Variants in KLF12 observed in about 807,000 individuals in gnomAD.
The protein encoded by KLF12 is Krueppel-like factor 12.
KLF12 carries 9 observed loss-of-function variants against 37.8 expected under a neutral mutation model. The observed-to-expected ratio is 0.24, with a 90% confidence interval of 0.14 to 0.42. The LOEUF is 0.42. Ranked by LOEUF, KLF12 falls within the 10% of genes least tolerant of loss-of-function variation. The pLI is 1.00. For synonymous variants in KLF12, 208 were observed against 202.1 expected (o/e 1.03, Z -0.25); for missense variants, 411 against 516.0 (o/e 0.80, Z 1.97).
intron 1 of KLF12, among the ~76,000 whole-genome samples, chr13:73,996,462 A>G (rs904192652): frequency 6.6e-6 from 1 of 152,238 alleles, no homozygotes; most frequent in Admixed American, 6.5e-5. Flanking sequence ...ATCAAGGTAC[A>G]TCAAAACCTG....
chr13:74,112,252 T>A (rs1484219001), intron 1 of KLF12, among the ~76,000 whole-genome samples: 1 of 151,620 alleles, frequency 6.6e-6, no homozygotes, highest in Non-Finnish European at 1.5e-5. Flanking sequence ...AGTGACCTTA[T>A]GTGGCTAGAA....
the KLF12 span, among the ~76,000 whole-genome samples, chr13:74,251,682 G>A: frequency 2.0e-3 from 309 of 152,214 alleles, 1 homozygote; most frequent in African/African-American, 6.8e-3. Flanking sequence ...GCTGACTGGC[G>A]TTCAGAGATA....
At chr13:74,038,660 A>T (rs951993632) in intron 1 of KLF12, among the ~76,000 whole-genome samples, 1 of 152,226 alleles carries the variant, frequency 6.6e-6, no homozygotes, top group Non-Finnish European at 1.5e-5. Flanking sequence ...TAAGGTTCCC[A>T]TCATTAAAAT....
the KLF12 span, among the ~76,000 whole-genome samples, chr13:74,142,375 T>C: frequency 6.6e-6 from 1 of 152,232 alleles, no homozygotes; most frequent in Non-Finnish European, 1.5e-5. Flanking sequence ...CAGCAGCACA[T>C]GAGCTGATGC....
intron 2 of KLF12, among the ~76,000 whole-genome samples, chr13:73,953,004 G>C (rs1593776253): frequency 6.6e-6 from 1 of 152,090 alleles, no homozygotes; most frequent in African/African-American, 2.4e-5. Context: ...AGGAAGTGCT[G>C]GTGGTAAGAA....
chr13:73,800,717 G>T (rs1882239489), intron 5 of KLF12: 1 of 151,914 alleles, frequency 6.6e-6, no homozygotes, highest in Admixed American at 6.6e-5. Flanking sequence ...TAGAGTTAAA[G>T]CATTAAAATA....
the KLF12 span, among the ~76,000 whole-genome samples, chr13:74,235,872 C>CA: frequency 6.6e-6 from 1 of 151,538 alleles, no homozygotes; most frequent in East Asian, 1.9e-4. Flanking sequence ...GATATACACA[C>CA]ATTTACTTTC....
At chr13:74,013,264 AC>A (rs1892595819) in intron 1 of KLF12, among the ~76,000 whole-genome samples, 1 of 152,208 alleles carries the variant, frequency 6.6e-6, no homozygotes, top group Non-Finnish European at 1.5e-5. Context: ...ATCTCAGCAT[AC>A]CTATAACAAC....
At chr13:73,743,741 T>C (rs1878173816) in intron 6 of KLF12, among the ~76,000 whole-genome samples, 2 of 152,222 alleles carry the variant, frequency 1.3e-5, no homozygotes, top group South Asian at 2.1e-4. Flanking sequence ...CGCTTTGGTA[T>C]CAGCATGCTT....
At chr13:73,902,162 T>C (rs1403290365) in intron 3 of KLF12, among the ~76,000 whole-genome samples, 5 of 152,214 alleles carry the variant, frequency 3.3e-5, no homozygotes, top group African/African-American at 4.8e-5. Flanking sequence ...GGACTTTTAT[T>C]ATCCCAAAAT....
At chr13:73,871,608 A>C (rs1429226305) in intron 3 of KLF12, among the ~76,000 whole-genome samples, 1 of 151,912 alleles carries the variant, frequency 6.6e-6, no homozygotes, top group Non-Finnish European at 1.5e-5. Context: ...CATGTTCCTG[A>C]CACCTCTGGG....
At chr13:74,024,360 A>G (rs1227145094) in intron 1 of KLF12, among the ~76,000 whole-genome samples, 1 of 152,198 alleles carries the variant, frequency 6.6e-6, no homozygotes, top group Non-Finnish European at 1.5e-5. Flanking sequence ...TGCCCATCTA[A>G]TGGTTTATGT....
intron 4 of KLF12, among the ~76,000 whole-genome samples, chr13:73,817,816 T>C (rs2138476239): frequency 6.6e-6 from 1 of 152,372 alleles, no homozygotes; most frequent in Non-Finnish European, 1.5e-5. Flanking sequence ...AATCTGCATA[T>C]GCCGTAGGGT....
At chr13:74,153,158 G>T in the KLF12 span, among the ~76,000 whole-genome samples, 2 of 151,836 alleles carry the variant, frequency 1.3e-5, no homozygotes. Context: ...TAATTCAAAT[G>T]ATATAAATGT....
chr13:74,072,389 ATATATATATATATATAT>A (rs1420380111), intron 1 of KLF12, among the ~76,000 whole-genome samples: 8 of 131,896 alleles, frequency 6.1e-5, no homozygotes, highest in Non-Finnish European at 8.3e-5. Context: ...ATATATATAT[ATATATATATATATATAT>A]AAAAGATTAT....
intron 4 of KLF12, among the ~76,000 whole-genome samples, chr13:73,842,965 T>C (rs1884819829): frequency 6.6e-6 from 1 of 152,204 alleles, no homozygotes; most frequent in South Asian, 2.1e-4. Context: ...AATAAAAAAG[T>C]ATAAAATGCT....
Position 73,990,522 on chromosome 13 carries a change from C to T in KLF12, c.33+4468G>A, listed in dbSNP as rs1362774752. Among the ~76,000 whole-genome samples the T allele has an allele frequency of 7.9e-5, 12 of 152,094 alleles. No homozygotes were observed. The East Asian group carries it at 2.3e-3, about 29-fold the overall frequency. On this transcript the variant is annotated intron_variant, in intron 2 of 7. Transcript: ENST00000377669. ...TAATACTACATAGCTTTGATAATTA[C>T]AATTAAGAATCATAAAATAAATGTG...
chr13:73,906,480 A>G lies in KLF12; in HGVS notation c.123+37501T>C, dbSNP rs1377344790. On this transcript the variant is annotated intron_variant, in intron 3 of 7. Coordinates refer to ENST00000377669, the MANE Select transcript of KLF12 (RefSeq NM_007249.5). ...TCTATTCCATTTTTTTATTTCTACA[A>G]TATTTCCCATTTTTAGAGGTTCCAT... Among the ~76,000 whole-genome samples the G allele has an allele frequency of 2.0e-5, 3 of 151,934 alleles. No individual in the cohort carries two copies. In the East Asian group the frequency reaches 5.8e-4, roughly 29 times the overall value.
chr13:73,786,884 C>T (rs114721903), intron 5 of KLF12, among the ~76,000 whole-genome samples: 1,569 of 152,152 alleles, frequency 0.01, 31 homozygotes, highest in African/African-American at 0.036. Flanking sequence ...CTGATCACAC[C>T]GCTGCACTCT....
Sources: allele counts gnomAD v4.1 joint callset (sites outside exome capture counted in the v4.1 genomes callset), GRCh38; gene constraint gnomAD v4.1.1; transcripts MANE v1.5; gene names NCBI Gene and HGNC (gene_info 2026-07-23, HGNC 2026-07-21).